Variants in ILDR2 observed in about 807,000 individuals in gnomAD.
ILDR2 encodes the protein immunoglobulin like domain containing receptor 2.
In ILDR2, 25 loss-of-function variants were observed where a neutral mutation model predicts 66.8. The observed-to-expected ratio is 0.37, with a 90% CI of 0.27 to 0.52. The LOEUF (loss-of-function observed/expected upper bound fraction) is 0.52. ILDR2 is among the 20% of genes least tolerant of loss of function. The pLI, the probability that ILDR2 is intolerant of heterozygous loss-of-function variation, is 0.88. For missense variants in ILDR2, 827 were observed against 876.8 expected (o/e 0.94, Z 0.72); for synonymous variants, 367 against 357.2 (o/e 1.03, Z -0.31).
intron 9 of ILDR2, among the ~76,000 whole-genome samples, chr1:166,919,733 A>AT (rs1409641870): frequency 2.0e-5 from 3 of 152,174 alleles, no homozygotes; most frequent in Admixed American, 6.5e-5. Flanking sequence ...TGGTTATTGC[A>AT]TTTTTTTATT....
Position 166,917,953 on chromosome 1 carries a change from G to A in ILDR2, c.*1402C>T, listed in dbSNP as rs552313269. ...AAAAGAGGACAAGCCCCATGCACAA[G>A]AACTTTTCAAGTCTCTGCTTGTGTC... On this transcript the variant is annotated 3_prime_UTR_variant, in exon 10 of 10. Coordinates refer to ENST00000271417, the MANE Select transcript of ILDR2 (RefSeq NM_199351.3). The A allele has an allele frequency of 6.6e-6, 1 of 152,262 alleles. No individual in the cohort carries two copies. Among genetic ancestry groups the A allele is most frequent in the Non-Finnish European group, 1.5e-5 (1 of 68,032 alleles). The allele number at this position is 152,262 out of a possible 1,614,324, so 9.4% of individuals were successfully genotyped here.
At chr1:166,935,581 T>C (rs78168757) in intron 5 of ILDR2, 104 bp from the exon 6 acceptor site, 23,823 of 980,764 alleles carry the variant, frequency 0.024, 371 homozygotes, top group African/African-American at 0.05. Flanking sequence ...CCTGGATGTG[T>C]GTATGTGCAT....
Position 166,921,407 on chromosome 1 carries a change from C to T in ILDR2, c.1212-28G>A, listed in dbSNP as rs761342848. ...GCGGGCAGAGAAGGAGGGGGTCAGA[C>T]GGCCGGTCCCTCCCTGGAGCTCCAG... On this transcript the variant is annotated intron_variant, in intron 8 of 9. Transcript: ENST00000271417. This position sits in a 1 kb window ranked among gnomAD's most constrained non-coding sequence, Gnocchi z 5.3. The T allele has an allele frequency of 3.3e-6, 5 of 1,516,790 alleles. 1 individual carries two copies. The highest frequency in any genetic ancestry group is 2.8e-5 in the African/African-American group (2 of 72,420). 94.0% of individuals were successfully genotyped at this position (1,516,790 alleles called of 1,614,324 possible). A position where few individuals can be genotyped will look rare whatever the true frequency, so the allele number is the denominator to read the frequency against.
Position 166,922,755 on chromosome 1 carries a change from C to T in ILDR2, c.1049G>A (p.Arg350His), listed in dbSNP as rs754861502. ...SSLHEEDSNF[R>H]QSFHQMRSKQ... ...GCTTCTCATCTGATGGAAAGACTGG[C>T]GGAAATTGCTGTCCTCCTCATGTAG... Residue 350 changes from arginine to histidine, a missense_variant, in exon 8 of 10, where the codon CGC (arginine) becomes CAC (histidine). Arg to His is a conservative substitution (Grantham distance 29, BLOSUM62 0). This residue lies in a region of ILDR2 where 437 missense variants were observed against 523.2 expected (regional missense o/e 0.84). Coordinates refer to ENST00000271417, the MANE Select transcript of ILDR2 (RefSeq NM_199351.3). 10 of 1,614,092 alleles carry T rather than the reference C, an allele frequency of 6.2e-6. No homozygotes were observed. The highest frequency in any genetic ancestry group is 3.3e-5 in the South Asian group (3 of 91,084).
At chr1:166,920,513 T>C (rs1262093145) in intron 9 of ILDR2, 194 bp downstream of exon 9, 1 of 213,932 alleles carries the variant, frequency 4.7e-6, no homozygotes, top group Non-Finnish European at 8.0e-6. Flanking sequence ...CATCTGGCCT[T>C]GGACAGAGTG....
At chr1:166,946,360 A>G (rs942866897) in intron 3 of ILDR2, among the ~76,000 whole-genome samples, 2 of 152,124 alleles carry the variant, frequency 1.3e-5, no homozygotes, top group Non-Finnish European at 2.9e-5. Flanking sequence ...TGTCCTTTAC[A>G]TTTTAGTTCA....
rs1054730963 is a variant in ILDR2 at position 166,973,619 on chromosome 1, C to A, written c.46+1604G>T. Among the ~76,000 whole-genome samples, 12 of 126,910 alleles carry A rather than the reference C, an allele frequency of 9.5e-5. 1 individual carries two copies. The highest frequency in any genetic ancestry group is 7.6e-4 in the East Asian group (3 of 3,924). The allele number at this position is 126,910 out of a possible 152,430, so 83.3% of individuals were successfully genotyped here. Reference sequence around the variant, plus strand: ...CTCTGACTCAGGGACCCCTCCCCCCCCCCCCCGATGCCTGGCTGACTTCAG... The same window carrying A: ...CTCTGACTCAGGGACCCCTCCCCCCACCCCCCGATGCCTGGCTGACTTCAG... On this transcript the variant is annotated intron_variant, in intron 1 of 9. Coordinates refer to ENST00000271417, the MANE Select transcript of ILDR2 (RefSeq NM_199351.3).
At chr1:166,943,778 C>T in intron 3 of ILDR2, 1 of 976,766 alleles carries the variant, frequency 1.0e-6, no homozygotes, top group Non-Finnish European at 1.2e-6. Context: ...TTTACCAACA[C>T]TTGTGAATCG....
At chr1:166,958,194 C>T (rs1662396305) in intron 1 of ILDR2, 93 bp from the exon 2 acceptor site, 4 of 1,002,468 alleles carry the variant, frequency 4.0e-6, no homozygotes, top group African/African-American at 1.6e-5. Flanking sequence ...ACTTCCCTAA[C>T]TTGTGTCCCC....
intron 7 of ILDR2, among the ~76,000 whole-genome samples, chr1:166,926,168 G>A (rs906503374): frequency 2.0e-5 from 3 of 152,076 alleles, no homozygotes; most frequent in Non-Finnish European, 2.9e-5. Context: ...CAACAATTCC[G>A]TCAAGTCTCT....
chr1:166,961,827 C>T (rs761615854), intron 1 of ILDR2, among the ~76,000 whole-genome samples: 5 of 152,158 alleles, frequency 3.3e-5, no homozygotes, highest in Admixed American at 6.6e-5. Flanking sequence ...AAAAACTGCA[C>T]AAGAATGCTA....
chr1:166,905,008 G>T (rs1659316804), downstream of ILDR2, among the ~76,000 whole-genome samples: 1 of 152,206 alleles, frequency 6.6e-6, no homozygotes, highest in South Asian at 2.1e-4. Flanking sequence ...TCAGAAAGGA[G>T]ACTTTTAAAT....
intron 1 of ILDR2, among the ~76,000 whole-genome samples, chr1:166,966,415 A>G (rs1268308891): frequency 1.3e-5 from 2 of 152,160 alleles, no homozygotes; most frequent in African/African-American, 4.8e-5. Context: ...TTTTCCCCCC[A>G]AGAGTCTCAA....
chr1:166,923,697 AG>A (rs998636380), intron 7 of ILDR2, among the ~76,000 whole-genome samples: 1 of 152,246 alleles, frequency 6.6e-6, no homozygotes, highest in African/African-American at 2.4e-5. Context: ...AAGTGGCCTA[AG>A]TAGCTTTTTG....
chr1:166,924,973 G>A (rs1039629466), intron 7 of ILDR2, among the ~76,000 whole-genome samples: 1 of 152,046 alleles, frequency 6.6e-6, no homozygotes, highest in Non-Finnish European at 1.5e-5. Context: ...CTGTGTTTGC[G>A]CCACTGCACT....
intron 3 of ILDR2, among the ~76,000 whole-genome samples, chr1:166,939,931 A>C (rs773049773): frequency 6.6e-6 from 1 of 152,222 alleles, no homozygotes. Context: ...TCTGTATCCA[A>C]ATGTTCAATC....
At chr1:166,929,139 A>G (rs1660479225) in intron 6 of ILDR2, among the ~76,000 whole-genome samples, 1 of 152,222 alleles carries the variant, frequency 6.6e-6, no homozygotes, top group Non-Finnish European at 1.5e-5. Context: ...CCTCAAAGAA[A>G]TGGTGACCTA....
chr1:166,896,975 T>A (rs958224928), intron 2 of ILDR2, among the ~76,000 whole-genome samples: 6 of 152,218 alleles, frequency 3.9e-5, no homozygotes, highest in African/African-American at 1.4e-4. Flanking sequence ...CCAGAAACTT[T>A]GAAATTACAT....
intron 1 of ILDR2, among the ~76,000 whole-genome samples, chr1:166,964,231 A>G (rs1183403647): frequency 6.6e-6 from 1 of 152,136 alleles, no homozygotes; most frequent in African/African-American, 2.4e-5. Context: ...GGAGGGAGTC[A>G]TCATTCTTAG....
Sources: gnomAD v4.1 joint callset for allele counts (sites outside exome capture counted in the v4.1 genomes callset) on GRCh38, gnomAD v4.1.1 for gene constraint, gnomAD v4.1.1 regional missense constraint, Gnocchi (gnomAD v3.1) non-coding constraint, MANE v1.5 for transcripts, NCBI Gene and HGNC (gene_info 2026-07-23, HGNC 2026-07-21) for gene names.